The following PLXNA2 variants were observed in gnomAD, a reference collection of about 807,000 sequenced individuals.
PLXNA2 encodes the protein plexin-A2.
A neutral mutation model predicts 193.5 loss-of-function variants in PLXNA2; 91 were observed. The ratio of observed to expected loss-of-function variants is 0.47; its 90% confidence interval spans 0.40 to 0.56. The LOEUF is 0.56. Among genes scored for constraint, PLXNA2 ranks in the 20% least tolerant of loss-of-function variants. The probability of loss-of-function intolerance (pLI) is 0.00; values close to 1 mark genes in which losing one functional copy is unlikely to be tolerated. For synonymous variants in PLXNA2, 997 were observed against 1,027.3 expected (o/e 0.97, Z 0.56); for missense variants, 1,995 against 2,503.2 (o/e 0.80, Z 4.33).
At position 208,236,200 on chromosome 1, in the gene PLXNA2, C is replaced by T. The variant is rs180814967; in HGVS notation, c.-81+7443G>A. 2.0e-4 allele frequency among the ~76,000 whole-genome samples: 30 copies of T among 152,184 alleles called. No individual in the cohort carries two copies. The highest frequency in any genetic ancestry group is 5.8e-4 in the East Asian group (3 of 5,168). On this transcript the variant is annotated intron_variant, in intron 1 of 31. Coordinates refer to ENST00000367033, the MANE Select transcript of PLXNA2 (RefSeq NM_025179.4). The surrounding 1 kb of genome is among the most constrained non-coding windows in gnomAD (Gnocchi z 4.4). ...TCCTGTCTGGCTTGGGCTGGGCTCC[C>T]GCTAAGAACGCTGTTCTCAGTGAAA... is the stretch of plus-strand genomic sequence containing the variant.
At chr1:208,102,427 G>A in intron 5 of PLXNA2, among the ~76,000 whole-genome samples, 1 of 152,224 alleles carries the variant, frequency 6.6e-6, no homozygotes, top group East Asian at 1.9e-4. Context: ...TTCAAATTAG[G>A]AAGTTTAAGT....
At chr1:208,222,615 C>A (rs557785451) in intron 1 of PLXNA2, among the ~76,000 whole-genome samples, 4 of 152,150 alleles carry the variant, frequency 2.6e-5, no homozygotes, top group Non-Finnish European at 4.4e-5. Flanking sequence ...CTGCTGCGGG[C>A]GTCAGTGGCA....
chr1:208,118,602 G>C (rs1183663233), intron 4 of PLXNA2, among the ~76,000 whole-genome samples: 4 of 152,122 alleles, frequency 2.6e-5, no homozygotes, highest in Admixed American at 1.3e-4. Context: ...GGTTAGTGTG[G>C]GGACTGTTCA....
chr1:208,231,381 AG>A (rs1230523617), intron 1 of PLXNA2, among the ~76,000 whole-genome samples: 1 of 152,066 alleles, frequency 6.6e-6, no homozygotes, highest in East Asian at 1.9e-4. Flanking sequence ...AAGAATGTGG[AG>A]GTCAAGGAGC....
At chr1:208,190,936 G>A (rs576322864) in intron 3 of PLXNA2, among the ~76,000 whole-genome samples, 1 of 152,322 alleles carries the variant, frequency 6.6e-6, no homozygotes, top group South Asian at 2.1e-4. Context: ...ACCCCAGAAG[G>A]TTGATGGAAT....
At chr1:208,034,101 A>G (rs1053967207) in intron 27 of PLXNA2, among the ~76,000 whole-genome samples, 4 of 152,222 alleles carry the variant, frequency 2.6e-5, no homozygotes, top group Non-Finnish European at 2.9e-5. Context: ...TCCTCGGACT[A>G]ATTTATTGAT....
chr1:208,208,664 C>T (rs574159327), intron 3 of PLXNA2, among the ~76,000 whole-genome samples: 2 of 152,322 alleles, frequency 1.3e-5, no homozygotes, highest in Non-Finnish European at 2.9e-5. Context: ...GGGAAAGGTG[C>T]TCACGCTAGC....
intron 3 of PLXNA2, among the ~76,000 whole-genome samples, chr1:208,149,838 C>T (rs980659018): frequency 1.3e-5 from 2 of 152,146 alleles, no homozygotes; most frequent in African/African-American, 4.8e-5. Context: ...TTCACACACT[C>T]ACATACACAT....
intron 3 of PLXNA2, among the ~76,000 whole-genome samples, chr1:208,207,523 G>T (rs1434666319): frequency 6.6e-6 from 1 of 152,204 alleles, no homozygotes; most frequent in Non-Finnish European, 1.5e-5. Flanking sequence ...GGGACATCCT[G>T]TTCCTACAGA....
chr1:208,186,716 T>TTTTGTTTTTTGTTTTTTTTTTG (rs1553294072), intron 3 of PLXNA2, among the ~76,000 whole-genome samples: 1 of 103,382 alleles, frequency 9.7e-6, no homozygotes, highest in African/African-American at 4.0e-5. Flanking sequence ...TTATTTTATT[T>TTTTGTTTTTTGTTTTTTTTTTG]TTTTTTTTTT....
intron 4 of PLXNA2, among the ~76,000 whole-genome samples, chr1:208,138,373 G>T (rs949947777): frequency 6.6e-6 from 1 of 152,222 alleles, no homozygotes; most frequent in Admixed American, 6.5e-5. Flanking sequence ...AGGTAGGTGA[G>T]GCTAAGCTAT....
Position 208,099,009 on chromosome 1 carries a change from G to A in PLXNA2, c.1608-40C>T, listed in dbSNP as rs1284944161. ...GATTCACAAGAGGTCAGGCCTCTGG[G>A]ACCCATCTGTTTGGCTCCATTGTCC... On this transcript the variant is annotated intron_variant, in intron 5 of 31. Coordinates refer to ENST00000367033, the MANE Select transcript of PLXNA2 (RefSeq NM_025179.4). 3.1e-6 allele frequency: 5 copies of A among 1,607,630 alleles called. No individual in the cohort carries two copies. In the East Asian group the frequency reaches 6.7e-5, roughly 22 times the overall value.
At chr1:208,065,707 G>A (rs1252486374) in intron 12 of PLXNA2, among the ~76,000 whole-genome samples, 2 of 152,184 alleles carry the variant, frequency 1.3e-5, no homozygotes, top group African/African-American at 4.8e-5. Flanking sequence ...GGGCCGTTTG[G>A]AGAATGCCCG....
chr1:208,033,287 G>C (rs777277684), intron 28 of PLXNA2, 32 bp downstream of exon 28: 17 of 1,578,240 alleles, frequency 1.1e-5, no homozygotes, highest in Non-Finnish European at 1.7e-6. Flanking sequence ...CCTTTAACAA[G>C]CACTCCCTGG....
At chr1:208,064,794 C>T (rs1051988154) in intron 12 of PLXNA2, among the ~76,000 whole-genome samples, 1 of 152,076 alleles carries the variant, frequency 6.6e-6, no homozygotes, top group African/African-American at 2.4e-5. Context: ...CAAAGAATTT[C>T]TTCTCCAGAG....
intron 2 of PLXNA2, among the ~76,000 whole-genome samples, chr1:208,211,809 T>C (rs774277899): frequency 8.5e-5 from 13 of 152,346 alleles, no homozygotes; most frequent in Non-Finnish European, 1.8e-4. Flanking sequence ...TGTAGGGCTC[T>C]TAAAGGGAAT....
intron 9 of PLXNA2, among the ~76,000 whole-genome samples, chr1:208,088,456 G>A (rs1558185725): frequency 6.6e-6 from 1 of 152,270 alleles, no homozygotes; most frequent in Non-Finnish European, 1.5e-5. Flanking sequence ...CTGGGACAGG[G>A]CATAAAGGAG....
intron 3 of PLXNA2, among the ~76,000 whole-genome samples, chr1:208,164,822 C>T (rs1669246279): frequency 6.6e-6 from 1 of 152,208 alleles, no homozygotes; most frequent in Non-Finnish European, 1.5e-5. Context: ...CGCTGCCTGA[C>T]TCTAGCGGCA....
intron 1 of PLXNA2, among the ~76,000 whole-genome samples, chr1:208,228,175 T>C (rs1671570169): frequency 6.6e-6 from 1 of 152,142 alleles, no homozygotes. Context: ...CCTGCTTTCT[T>C]TTGCAGACCT....
Sources: allele counts gnomAD v4.1 joint callset (sites outside exome capture counted in the v4.1 genomes callset), GRCh38; gene constraint gnomAD v4.1.1; non-coding constraint Gnocchi (gnomAD v3.1); transcripts MANE v1.5; gene names NCBI Gene and HGNC (gene_info 2026-07-23, HGNC 2026-07-21).